CENPP: variants seen among roughly 807,000 people sequenced by gnomAD.
The protein encoded by CENPP is centromere protein P.
A neutral mutation model predicts 35.6 loss-of-function variants in CENPP; 24 were observed. That is an observed-to-expected ratio of 0.67 (90% CI 0.49 to 0.95). The LOEUF (loss-of-function observed/expected upper bound fraction) is 0.95, where lower values mean the gene tolerates loss of function less well. Ranked by LOEUF, CENPP falls within the 40% of genes least tolerant of loss-of-function variation. The pLI, the probability that CENPP is intolerant of heterozygous loss-of-function variation, is 0.00. For synonymous variants in CENPP, 120 were observed against 125.5 expected (o/e 0.96, Z 0.29); for missense variants, 332 against 345.3 (o/e 0.96, Z 0.31).
At chr9:92,552,693 T>G (rs189617867) in intron 5 of CENPP, among the ~76,000 whole-genome samples, 3 of 152,288 alleles carry the variant, frequency 2.0e-5, no homozygotes, top group African/African-American at 2.4e-5. Context: ...GATAGGATTG[T>G]TTTTTTCTTA....
chr9:92,396,907 G>C (rs1245632023), intron 5 of CENPP, among the ~76,000 whole-genome samples: 1 of 152,054 alleles, frequency 6.6e-6, no homozygotes, highest in Non-Finnish European at 1.5e-5. Flanking sequence ...TGGGTGCAAT[G>C]GCTCATATAT....
chr9:92,586,069 G>A (rs1003158027), intron 5 of CENPP, among the ~76,000 whole-genome samples: 4 of 152,098 alleles, frequency 2.6e-5, no homozygotes, highest in Non-Finnish European at 5.9e-5. Flanking sequence ...TTTTGAGACA[G>A]CGTTTCGCTC....
chr9:92,397,080 G>A lies in CENPP; in HGVS notation c.564+17221G>A, dbSNP rs1358605328. On this transcript the variant is annotated intron_variant, in intron 5 of 7. Transcript: ENST00000375587. ...TAGTCCCAGCTACTTGGGAGGCTGA[G>A]GCAGGAGGATTGCTGGAGCCCAGGA... Among the ~76,000 whole-genome samples the A allele has an allele frequency of 3.9e-5, 6 of 151,994 alleles. No individual in the cohort carries two copies. In the East Asian group the frequency reaches 1.2e-3, roughly 30 times the overall value.
intron 2 of CENPP, among the ~76,000 whole-genome samples, chr9:92,333,375 TG>T (rs1482831092): frequency 6.6e-6 from 1 of 152,190 alleles, no homozygotes; most frequent in Non-Finnish European, 1.5e-5. Context: ...AGAGATGGAA[TG>T]CAGAGAGAAT....
intron 5 of CENPP, among the ~76,000 whole-genome samples, chr9:92,535,175 T>A (rs1236035806): frequency 6.6e-6 from 1 of 150,580 alleles, no homozygotes; most frequent in Non-Finnish European, 1.5e-5. Context: ...ACAGAGCTAT[T>A]TGAATTTTGA....
chr9:92,479,216 T>C (rs546478359), intron 5 of CENPP, among the ~76,000 whole-genome samples: 49 of 152,182 alleles, frequency 3.2e-4, no homozygotes, highest in Non-Finnish European at 5.9e-4. Context: ...TCAGGGCTGC[T>C]GACCAGTCCC....
chr9:92,332,867 C>A (rs1840798952), intron 2 of CENPP, among the ~76,000 whole-genome samples: 1 of 148,436 alleles, frequency 6.7e-6, no homozygotes, highest in African/African-American at 2.5e-5. Context: ...AGTTTCTTTT[C>A]TTTCTTTCTT....
chr9:92,474,779 TC>T (rs1163954879), intron 5 of CENPP: 6 of 1,613,036 alleles, frequency 3.7e-6, no homozygotes, highest in Non-Finnish European at 5.1e-6. Context: ...ATCATCATCA[TC>T]ATCATCTGTG....
chr9:92,568,185 G>A (rs989871095), intron 5 of CENPP, among the ~76,000 whole-genome samples: 7 of 151,276 alleles, frequency 4.6e-5, no homozygotes, highest in South Asian at 4.2e-4. Context: ...TGCTGTACTC[G>A]TTAACTCAAC....
chr9:92,487,351 CAG>C (rs1441600868), intron 5 of CENPP, among the ~76,000 whole-genome samples: 3 of 152,106 alleles, frequency 2.0e-5, no homozygotes, highest in Non-Finnish European at 4.4e-5. Flanking sequence ...TGAAAGTTTG[CAG>C]AGTTTACCAA....
chr9:92,432,247 C>A lies in CENPP; in HGVS notation c.564+52388C>A, dbSNP rs572624412. Among the ~76,000 whole-genome samples the A allele has an allele frequency of 2.9e-3, 445 of 152,142 alleles. 2 individuals carry two copies. The highest frequency in any genetic ancestry group is 4.8e-3 in the Non-Finnish European group (323 of 67,990). ...GGCTGAGGCAGGAGAATCGCTTGAA[C>A]CTGGGAGGCAGAGGTTGCAGTGAGT... On this transcript the variant is annotated intron_variant, in intron 5 of 7. Transcript: ENST00000375587.
At chr9:92,361,340 C>T (rs1197649694) in intron 4 of CENPP, among the ~76,000 whole-genome samples, 3 of 151,654 alleles carry the variant, frequency 2.0e-5, no homozygotes, top group Non-Finnish European at 4.4e-5. Context: ...GGGGTTTCGC[C>T]GTATTGGCCA....
intron 5 of CENPP, among the ~76,000 whole-genome samples, chr9:92,395,099 T>A (rs1842842231): frequency 6.6e-6 from 1 of 152,228 alleles, no homozygotes; most frequent in East Asian, 1.9e-4. Context: ...CATATACGAT[T>A]TTTACATATG....
chr9:92,330,149 G>GTTCT (rs1840695974), intron 1 of CENPP, among the ~76,000 whole-genome samples: 1 of 152,176 alleles, frequency 6.6e-6, no homozygotes, highest in South Asian at 2.1e-4. Flanking sequence ...CAGAACGGAT[G>GTTCT]GCAGTAAGTC....
chr9:92,536,369 T>A (rs1259291130), intron 5 of CENPP, among the ~76,000 whole-genome samples: 1 of 152,156 alleles, frequency 6.6e-6, no homozygotes, highest in Non-Finnish European at 1.5e-5. Flanking sequence ...TTTATCAGAT[T>A]ATAGGGATGA....
intron 5 of CENPP, among the ~76,000 whole-genome samples, chr9:92,458,849 T>G (rs969442650): frequency 4.6e-5 from 7 of 152,172 alleles, no homozygotes; most frequent in African/African-American, 1.7e-4. Context: ...CTGCCTATAT[T>G]ACATTCATTT....
chr9:92,508,329 A>G (rs1376563847), intron 5 of CENPP, among the ~76,000 whole-genome samples: 1 of 152,214 alleles, frequency 6.6e-6, no homozygotes, highest in Admixed American at 6.5e-5. Flanking sequence ...CTGTGGAGAA[A>G]GGTGGGCTAA....
chr9:92,461,563 C>G (rs1033183076), intron 5 of CENPP, among the ~76,000 whole-genome samples: 8 of 152,146 alleles, frequency 5.3e-5, no homozygotes, highest in Non-Finnish European at 1.0e-4. Flanking sequence ...CATGTGATAT[C>G]ATTTATCAGG....
chr9:92,347,770 A>G (rs1018410592), intron 4 of CENPP, among the ~76,000 whole-genome samples: 1 of 152,190 alleles, frequency 6.6e-6, no homozygotes, highest in Non-Finnish European at 1.5e-5. Flanking sequence ...ACAACAGTAT[A>G]CTTTCCATTT....
Sources: allele counts gnomAD v4.1 joint callset (sites outside exome capture counted in the v4.1 genomes callset), GRCh38; gene constraint gnomAD v4.1.1; transcripts MANE v1.5; gene names NCBI Gene and HGNC (gene_info 2026-07-23, HGNC 2026-07-21).